ZNF713: variants seen among roughly 807,000 people sequenced by gnomAD.
ZNF713 encodes zinc finger protein 713.
A neutral mutation model predicts 28.7 loss-of-function variants in ZNF713; 21 were observed. The observed-to-expected ratio is 0.73, with a 90% confidence interval of 0.52 to 1.05. The LOEUF is 1.05. ZNF713 is among the 50% of genes least tolerant of loss of function. The pLI is 0.00. For missense variants in ZNF713, 458 were observed against 532.4 expected (o/e 0.86, Z 1.37); for synonymous variants, 167 against 178.0 (o/e 0.94, Z 0.49).
At position 55,939,757 on chromosome 7, in the gene ZNF713, T is replaced by C; in HGVS notation, c.1083T>C (p.His361=). 6.2e-7 allele frequency: 1 copy of C among 1,614,196 alleles called. No homozygotes were observed. The highest frequency in any genetic ancestry group is 8.5e-7 in the Non-Finnish European group (1 of 1,180,034). The change falls in exon 7 of 7, where the codon CAT becomes CAC. Residue 361 remains histidine, a synonymous_variant. Transcript: ENST00000429591. ...GCATCACATCCCTTACTGAACATCA[T>C]AGACTTCATACCGGAGAGAAACCTT... The part of the protein sequence containing the change: ...FSRITSLTEH[H]RLHTGEKPYE...
Position 55,927,896 on chromosome 7 carries a change from C to CA in ZNF713, c.307+4221dup, listed in dbSNP as rs71533249. Among the ~76,000 whole-genome samples the CA allele has an allele frequency of 2.5e-3, 111 of 44,822 alleles. 2 individuals are homozygous for CA. Among genetic ancestry groups the CA allele is most frequent in the South Asian group, 7.4e-3 (5 of 674 alleles). The allele number at this position is 44,822 out of a possible 152,430, so 29.4% of individuals were successfully genotyped here. On this transcript the variant is annotated intron_variant, in intron 6 of 6. Coordinates refer to ENST00000429591, the MANE Select transcript of ZNF713 (RefSeq NM_182633.3). The stretch of plus-strand genomic sequence containing the variant: ...TGGGTGACAGAGCAAGACTCTGTCT[C>CA]AAAAAAAAAAAAAAAAAAAAAAAAG...
At position 55,925,869 on chromosome 7, in the gene ZNF713, A is replaced by C. The variant is rs117682836; in HGVS notation, c.307+2170A>C. Among the ~76,000 whole-genome samples, 1,405 of 152,278 alleles carry C rather than the reference A, an allele frequency of 9.2e-3. 11 individuals carry two copies. Among genetic ancestry groups the C allele is most frequent in the Non-Finnish European group, 0.013 (900 of 68,028 alleles). On this transcript the variant is annotated intron_variant, in intron 6 of 6. Transcript: ENST00000429591. ...GAACAAATTAGAGAACTCCCTTTTC[A>C]GGTAAATTTCCAGGGCAGGGACCTA...
At chr7:55,902,612 ATC>A (rs1785598540) in intron 1 of ZNF713, among the ~76,000 whole-genome samples, 1 of 152,192 alleles carries the variant, frequency 6.6e-6, no homozygotes, top group African/African-American at 2.4e-5. Flanking sequence ...TCAGGCCTAT[ATC>A]TCTCCATTTT....
At chr7:55,896,698 T>C (rs1785480020) in intron 1 of ZNF713, among the ~76,000 whole-genome samples, 1 of 151,868 alleles carries the variant, frequency 6.6e-6, no homozygotes, top group Admixed American at 6.6e-5. Context: ...TTCCTAGTTA[T>C]GTCTGCTAAG....
chr7:55,935,046 G>A (rs897071558), intron 6 of ZNF713, among the ~76,000 whole-genome samples: 4 of 151,764 alleles, frequency 2.6e-5, no homozygotes, highest in Non-Finnish European at 5.9e-5. Flanking sequence ...GCACCACCAC[G>A]CCCAGCTAAT....
chr7:55,912,740 T>C lies in ZNF713; in HGVS notation c.87+17T>C, dbSNP rs1562741141. ...AGATCTCAGGTAAGTTCAGTTTTCC[T>C]CTCCTCTGAAATGCCAGTGTTCTCA... is the stretch of plus-strand genomic sequence containing the variant. On this transcript the variant is annotated intron_variant, in intron 4 of 6. Coordinates refer to ENST00000429591, the MANE Select transcript of ZNF713 (RefSeq NM_182633.3). 2 of 1,603,396 alleles carry C rather than the reference T, an allele frequency of 1.2e-6. No individual in the cohort carries two copies. The highest frequency in any genetic ancestry group is 1.7e-6 in the Non-Finnish European group (2 of 1,171,288).
At chr7:55,896,611 A>ATG (rs1785477691) in intron 1 of ZNF713, among the ~76,000 whole-genome samples, 1 of 151,226 alleles carries the variant, frequency 6.6e-6, no homozygotes, top group African/African-American at 2.4e-5. Context: ...GTATATATAT[A>ATG]TACACACACA....
At chr7:55,935,388 T>G (rs1429747640) in intron 6 of ZNF713, among the ~76,000 whole-genome samples, 3 of 152,038 alleles carry the variant, frequency 2.0e-5, no homozygotes, top group African/African-American at 7.3e-5. Context: ...ATATACTCAT[T>G]TAGAAAGAAT....
intron 4 of ZNF713, among the ~76,000 whole-genome samples, chr7:55,918,848 C>T (rs1785933466): frequency 6.6e-6 from 1 of 151,892 alleles, no homozygotes; most frequent in Non-Finnish European, 1.5e-5. Flanking sequence ...CAAAAATTAG[C>T]CAGGGCATGG....
In ZNF713 at chr7:55,940,214, C is replaced by T; in HGVS notation, c.*208C>T. 1 of 883,076 alleles carries T rather than the reference C, an allele frequency of 1.1e-6. No individual in the cohort carries two copies. The highest frequency in any genetic ancestry group is 1.6e-6 in the Non-Finnish European group (1 of 644,206). 54.7% of individuals were successfully genotyped at this position (883,076 alleles called of 1,614,324 possible). A position where few individuals can be genotyped will look rare whatever the true frequency, so the allele number is the denominator to read the frequency against. ...CTTGGCTCACTGCAACCTCTGCCACCTGGGTTCAAGCGATTCTCCTGCCTC... is the reference window on the plus strand; with the variant it reads ...CTTGGCTCACTGCAACCTCTGCCACTTGGGTTCAAGCGATTCTCCTGCCTC... On this transcript the variant is annotated 3_prime_UTR_variant, in exon 7 of 7. Transcript: ENST00000429591.
intron 4 of ZNF713, among the ~76,000 whole-genome samples, chr7:55,922,612 A>G (rs1419017198): frequency 6.6e-6 from 1 of 152,060 alleles, no homozygotes; most frequent in Non-Finnish European, 1.5e-5. Context: ...GTCAGCAGCC[A>G]TCAGCATCAA....
At chr7:55,917,687 A>G (rs1050516799) in intron 4 of ZNF713, among the ~76,000 whole-genome samples, 1 of 150,756 alleles carries the variant, frequency 6.6e-6, no homozygotes, top group Non-Finnish European at 1.5e-5. Context: ...CCTGGGTGAC[A>G]GAGTGAGACC....
chr7:55,887,600 C>CGCGGCGGCGGCG lies in ZNF713; in HGVS notation c.-635_-624dup, dbSNP rs369789359. ...GGCACCTTCTCCCTCCCGGGTCCAC[C>CGCGGCGGCGGCG]GCGGCGGCGGCGGCGGCGGCGGCGG... On this transcript the variant is annotated 5_prime_UTR_variant, in exon 1 of 7. Coordinates refer to ENST00000429591, the MANE Select transcript of ZNF713 (RefSeq NM_182633.3). 5.6e-3 allele frequency: 994 copies of CGCGGCGGCGGCG among 178,628 alleles called. 10 individuals are homozygous for CGCGGCGGCGGCG. Among genetic ancestry groups the CGCGGCGGCGGCG allele is most frequent in the Middle Eastern group, 0.012 (5 of 434 alleles). The allele number at this position is 178,628 out of a possible 1,614,324, so 11.1% of individuals were successfully genotyped here.
chr7:55,895,647 T>C (rs573718962), intron 1 of ZNF713, among the ~76,000 whole-genome samples: 44 of 152,052 alleles, frequency 2.9e-4, no homozygotes, highest in Admixed American at 2.6e-3. Context: ...TTTGTATTTT[T>C]AGTAGAGGTG....
intron 1 of ZNF713, among the ~76,000 whole-genome samples, chr7:55,904,463 TAAAAAAAAAAA>T (rs71015118): frequency 4.8e-5 from 2 of 41,290 alleles, no homozygotes; most frequent in African/African-American, 8.8e-5. Context: ...ACTGTATCTT[TAAAAAAAAAAA>T]AAAAAAAAAA....
chr7:55,932,658 G>T (rs1483267060), intron 6 of ZNF713, among the ~76,000 whole-genome samples: 1 of 151,588 alleles, frequency 6.6e-6, no homozygotes, highest in Non-Finnish European at 1.5e-5. Context: ...GCCGAGGCGG[G>T]TGGATCATGA....
intron 2 of ZNF713, among the ~76,000 whole-genome samples, chr7:55,910,944 G>A (rs1047848097): frequency 6.6e-6 from 1 of 152,170 alleles, no homozygotes; most frequent in Non-Finnish European, 1.5e-5. Context: ...GCCCATCTTG[G>A]GGAAAAACCC....
chr7:55,926,493 CA>C (rs1015559682), intron 6 of ZNF713, among the ~76,000 whole-genome samples: 70 of 152,244 alleles, frequency 4.6e-4, no homozygotes, highest in African/African-American at 1.7e-3. Flanking sequence ...GAGACAGAAT[CA>C]GGGGTTCCCC....
Position 55,899,369 on chromosome 7 carries a change from A to G in ZNF713, c.-582-6884A>G, listed in dbSNP as rs1785530052. On this transcript the variant is annotated intron_variant, in intron 1 of 6. Transcript: ENST00000429591. ...GAGATTCCATCTCAAAAAAAAAAAAAAAAAAAAAAATCAAGCCAGGCACGG... is the reference window on the plus strand; with the variant it reads ...GAGATTCCATCTCAAAAAAAAAAAAGAAAAAAAAAATCAAGCCAGGCACGG... Among the ~76,000 whole-genome samples the G allele has an allele frequency of 3.5e-5, 5 of 144,312 alleles. No individual in the cohort carries two copies. In the Admixed American group the frequency reaches 3.5e-4, roughly 10 times the overall value. 94.7% of individuals were successfully genotyped at this position (144,312 alleles called of 152,430 possible). A position where few individuals can be genotyped will look rare whatever the true frequency, so the allele number is the denominator to read the frequency against.
Sources: allele counts gnomAD v4.1 joint callset (sites outside exome capture counted in the v4.1 genomes callset), GRCh38; gene constraint gnomAD v4.1.1; transcripts MANE v1.5; gene names NCBI Gene and HGNC (gene_info 2026-07-23, HGNC 2026-07-21).